Variants in RPTOR observed in about 807,000 individuals in gnomAD.
The protein encoded by RPTOR is regulatory-associated protein of mTOR.
In RPTOR, 21 loss-of-function variants were observed where a neutral mutation model predicts 169.9. The ratio of observed to expected loss-of-function variants is 0.12; its 90% CI spans 0.09 to 0.18. The LOEUF (loss-of-function observed/expected upper bound fraction) is 0.18. Among genes scored for constraint, RPTOR ranks in the 10% least tolerant of loss-of-function variants. The pLI is 1.00. For synonymous variants in RPTOR, 732 were observed against 753.2 expected (o/e 0.97, Z 0.46); for missense variants, 1,133 against 1,855.9 (o/e 0.61, Z 7.16).
At chr17:80,737,158 A>G (rs1235091708) in intron 5 of RPTOR, among the ~76,000 whole-genome samples, 1 of 152,128 alleles carries the variant, frequency 6.6e-6, no homozygotes, top group African/African-American at 2.4e-5. Flanking sequence ...ATTCTCTGTC[A>G]TACTGGAGGT....
chr17:80,637,826 G>A (rs972507029), intron 2 of RPTOR, among the ~76,000 whole-genome samples: 4 of 152,356 alleles, frequency 2.6e-5, no homozygotes, highest in Middle Eastern at 3.4e-3. Context: ...ATGCAAACAC[G>A]TGAGCATTAA....
At chr17:80,727,521 T>C (rs1329347091) in intron 4 of RPTOR, among the ~76,000 whole-genome samples, 1 of 151,524 alleles carries the variant, frequency 6.6e-6, no homozygotes, top group Non-Finnish European at 1.5e-5. Context: ...ACGTGGACGC[T>C]GCACCTCTGA....
intron 9 of RPTOR, among the ~76,000 whole-genome samples, chr17:80,837,349 A>AGG (rs954340903): frequency 5.9e-5 from 9 of 152,016 alleles, no homozygotes; most frequent in African/African-American, 2.2e-4. Context: ...AGGGAGCAGC[A>AGG]GGGGGGAGGC....
At chr17:80,964,203 G>GCCC in intron 33 of RPTOR, 59 bp from the exon 34 acceptor site, 1 of 511,986 alleles carries the variant, frequency 2.0e-6, no homozygotes, top group Non-Finnish European at 3.3e-6. Flanking sequence ...GCGCCCCCCC[G>GCCC]CCCCCCGCAG....
At chr17:80,630,041 A>G (rs182648431) in intron 2 of RPTOR, among the ~76,000 whole-genome samples, 4 of 151,044 alleles carry the variant, frequency 2.6e-5, no homozygotes, top group East Asian at 1.9e-4. Context: ...TCCATTGACT[A>G]TTTTAGTTTC....
intron 6 of RPTOR, among the ~76,000 whole-genome samples, chr17:80,774,794 G>A (rs1370112627): frequency 1.3e-5 from 2 of 152,180 alleles, no homozygotes; most frequent in Non-Finnish European, 2.9e-5. Flanking sequence ...TGTGTGCAGG[G>A]GACCGTAAGA....
intron 5 of RPTOR, among the ~76,000 whole-genome samples, chr17:80,744,223 CTACTAGCACAGCCCTGGT>C (rs2066533532): frequency 4.1e-4 from 4 of 9,708 alleles, no homozygotes; most frequent in Admixed American, 2.3e-3. Flanking sequence ...ACTGTCCTGG[CTACTAGCACAGCCCTGGT>C]TACTAGCACT....
intron 9 of RPTOR, among the ~76,000 whole-genome samples, chr17:80,833,092 G>A (rs974660954): frequency 3.9e-4 from 35 of 90,138 alleles, no homozygotes; most frequent in African/African-American, 1.9e-3. Flanking sequence ...GTAATAACCC[G>A]TGCTTTCCGT....
intron 28 of RPTOR, among the ~76,000 whole-genome samples, chr17:80,950,754 C>A (rs1056809836): frequency 4.6e-5 from 7 of 152,158 alleles, no homozygotes; most frequent in Non-Finnish European, 1.0e-4. Context: ...GGGGTCAGGC[C>A]ACTCACCGGC....
At chr17:80,678,855 C>G (rs576230930) in intron 3 of RPTOR, among the ~76,000 whole-genome samples, 49 of 152,194 alleles carry the variant, frequency 3.2e-4, no homozygotes, top group Non-Finnish European at 5.0e-4. Flanking sequence ...CAGAGATGCT[C>G]TCTGTCTGTG....
intron 29 of RPTOR, among the ~76,000 whole-genome samples, chr17:80,958,412 T>TC (rs2069285858): frequency 1.5e-5 from 2 of 135,520 alleles, no homozygotes; most frequent in South Asian, 5.0e-4. Flanking sequence ...TTTCTTTTTT[T>TC]TTTTTTTTTT....
intron 13 of RPTOR, among the ~76,000 whole-genome samples, chr17:80,876,148 G>T (rs1345287259): frequency 6.0e-5 from 8 of 133,212 alleles, no homozygotes; most frequent in Non-Finnish European, 7.8e-5. Flanking sequence ...TCACCTGCCG[G>T]GTCTTCCACC....
chr17:80,797,536 G>A lies in RPTOR; in HGVS notation c.890+6027G>A, dbSNP rs188973831. 9.8e-5 allele frequency among the ~76,000 whole-genome samples: 15 copies of A among 152,330 alleles called. No individual in the cohort carries two copies. In the East Asian group the frequency reaches 2.5e-3, roughly 26 times the overall value. The stretch of plus-strand genomic sequence containing the variant: ...TTAATCAAGTGATCTTCCTGCCTTG[G>A]CTTCCCAAAGTGCTTGGATTATAGG... On this transcript the variant is annotated intron_variant, in intron 7 of 33. Transcript: ENST00000306801.
At chr17:80,944,017 C>G (rs2069067785) in intron 25 of RPTOR, among the ~76,000 whole-genome samples, 3 of 152,334 alleles carry the variant, frequency 2.0e-5, no homozygotes. Flanking sequence ...CCCACAGATC[C>G]CCAGCTGCCC....
chr17:80,684,347 T>A (rs988526115), intron 3 of RPTOR, among the ~76,000 whole-genome samples: 6 of 151,896 alleles, frequency 4.0e-5, no homozygotes, highest in African/African-American at 1.5e-4. Context: ...CTGCCTTGTG[T>A]TTCATTACTT....
intron 11 of RPTOR, among the ~76,000 whole-genome samples, chr17:80,848,938 A>G (rs1300254501): frequency 1.3e-5 from 2 of 152,126 alleles, no homozygotes; most frequent in South Asian, 4.1e-4. Flanking sequence ...AGCGTGGGGC[A>G]TTTCCCACAT....
intron 10 of RPTOR, among the ~76,000 whole-genome samples, chr17:80,838,363 G>A (rs2067588501): frequency 6.6e-6 from 1 of 152,158 alleles, no homozygotes; most frequent in South Asian, 2.1e-4. Flanking sequence ...GTGGGACAGT[G>A]ACCCACGGGG....
At chr17:80,728,446 G>GGGGTGTGTGTGT (rs1555612016) in intron 4 of RPTOR, among the ~76,000 whole-genome samples, 5 of 148,280 alleles carry the variant, frequency 3.4e-5, no homozygotes, top group African/African-American at 7.4e-5. Context: ...TCCACTCTGG[G>GGGGTGTGTGTGT]GTGTGTGTGT....
chr17:80,685,754 A>G lies in RPTOR; in HGVS notation c.349-22087A>G, dbSNP rs1304405303. ...CCTAGTGACAGCTGCTACTCCCCAC[A>G]TCGTGGGGTGCTTCCTTTGAGCTTC... On this transcript the variant is annotated intron_variant, in intron 3 of 33. Transcript: ENST00000306801. 4.7e-5 allele frequency among the ~76,000 whole-genome samples: 7 copies of G among 148,340 alleles called. No individual in the cohort carries two copies. In the Admixed American group the frequency reaches 4.8e-4, roughly 10 times the overall value.
Sources: gnomAD v4.1 joint callset for allele counts (sites outside exome capture counted in the v4.1 genomes callset) on GRCh38, gnomAD v4.1.1 for gene constraint, MANE v1.5 for transcripts, NCBI Gene and HGNC (gene_info 2026-07-23, HGNC 2026-07-21) for gene names.